The following SLC39A11 variants were observed in gnomAD, a reference collection of about 807,000 sequenced individuals.
The protein encoded by SLC39A11 is zinc transporter ZIP11.
SLC39A11 carries 33 observed loss-of-function variants against 36.1 expected under a neutral mutation model. That is an observed-to-expected ratio of 0.91 (90% CI 0.69 to 1.22). The LOEUF is 1.22. Ranked by LOEUF, SLC39A11 falls within the 50% of genes most tolerant of loss-of-function variation. The probability of loss-of-function intolerance (pLI) is 0.00; values close to 1 mark genes in which losing one functional copy is unlikely to be tolerated. For synonymous variants in SLC39A11, 166 were observed against 170.3 expected (o/e 0.97, Z 0.20); for missense variants, 432 against 430.3 (o/e 1.00, Z -0.03).
At chr17:72,680,296 T>C (rs1362870862) in intron 7 of SLC39A11, among the ~76,000 whole-genome samples, 1 of 152,156 alleles carries the variant, frequency 6.6e-6, no homozygotes, top group East Asian at 1.9e-4. Context: ...TCTGTCTCTA[T>C]GGATCTGCCC....
chr17:72,701,525 C>T (rs1338485627), intron 7 of SLC39A11, among the ~76,000 whole-genome samples: 1 of 151,958 alleles, frequency 6.6e-6, no homozygotes, highest in East Asian at 1.9e-4. Context: ...GTCAGGAGTT[C>T]GAGACCAGCC....
chr17:72,838,198 A>C, intron 6 of SLC39A11: 1 of 391,532 alleles, frequency 2.6e-6, no homozygotes. Flanking sequence ...TACTAAAACC[A>C]CTGAATTGTG....
intron 6 of SLC39A11, among the ~76,000 whole-genome samples, chr17:72,742,134 C>G (rs1288118146): frequency 6.6e-6 from 1 of 151,888 alleles, no homozygotes; most frequent in African/African-American, 2.4e-5. Context: ...ACCCGGGAGG[C>G]AGAGGTTGCA....
intron 3 of SLC39A11, among the ~76,000 whole-genome samples, chr17:73,071,735 A>G (rs2060168048): frequency 6.6e-6 from 1 of 152,222 alleles, no homozygotes; most frequent in African/African-American, 2.4e-5. Flanking sequence ...CTGCCACTGT[A>G]GTCCAAAAGC....
At chr17:72,721,643 G>C (rs963350246) in intron 7 of SLC39A11, among the ~76,000 whole-genome samples, 2 of 148,582 alleles carry the variant, frequency 1.3e-5, no homozygotes, top group African/African-American at 5.3e-5. Context: ...CCCTTGTCAT[G>C]ATGATGCTCT....
In SLC39A11 at chr17:72,748,114, G is replaced by A. The variant is rs193170208; in HGVS notation, c.602-11395C>T. Among the ~76,000 whole-genome samples, 753 of 152,248 alleles carry A rather than the reference G, an allele frequency of 4.9e-3. 6 individuals carry two copies. The highest frequency in any genetic ancestry group is 0.014 in the Middle Eastern group (4 of 294). On this transcript the variant is annotated intron_variant, in intron 6 of 9. Coordinates refer to ENST00000255559, the MANE Select transcript of SLC39A11 (RefSeq NM_139177.4). ...AGGCGGGTGGATCACCTGAGGTCAG[G>A]AGTTCAAGACTAGCCTGGCCAACAT...
intron 6 of SLC39A11, among the ~76,000 whole-genome samples, chr17:72,753,831 TACCAC>T (rs1485998362): frequency 1.5e-5 from 2 of 131,140 alleles, no homozygotes; most frequent in Non-Finnish European, 3.0e-5. Context: ...TAAGTAGAAC[TACCAC>T]TGGATCCAGC....
At chr17:72,672,100 T>A (rs2144182531) in intron 7 of SLC39A11, among the ~76,000 whole-genome samples, 1 of 152,264 alleles carries the variant, frequency 6.6e-6, no homozygotes, top group Admixed American at 6.5e-5. Flanking sequence ...GCTAACAAAT[T>A]TGACTGTGGT....
chr17:73,091,316 G>A (rs1266509340), intron 1 of SLC39A11, among the ~76,000 whole-genome samples: 5 of 151,962 alleles, frequency 3.3e-5, no homozygotes, highest in Non-Finnish European at 5.9e-5. Flanking sequence ...TAGTCCCAGT[G>A]CCTGTAGTCC....
intron 3 of SLC39A11, among the ~76,000 whole-genome samples, chr17:73,034,394 G>A (rs2058836110): frequency 6.6e-6 from 1 of 152,144 alleles, no homozygotes; most frequent in Non-Finnish European, 1.5e-5. Context: ...GGCTAATTTT[G>A]TATTTTTAGT....
At chr17:73,015,262 G>A (rs963431192) in intron 4 of SLC39A11, among the ~76,000 whole-genome samples, 3 of 151,848 alleles carry the variant, frequency 2.0e-5, no homozygotes, top group Admixed American at 6.6e-5. Flanking sequence ...TCATCATCTC[G>A]GGCCCTCCCT....
intron 7 of SLC39A11, among the ~76,000 whole-genome samples, chr17:72,725,878 T>C (rs2073908853): frequency 6.6e-6 from 1 of 152,166 alleles, no homozygotes; most frequent in Admixed American, 6.5e-5. Flanking sequence ...CGATTGCAGA[T>C]AAAGAATAGA....
intron 5 of SLC39A11, among the ~76,000 whole-genome samples, chr17:72,904,195 G>A (rs944564497): frequency 6.6e-6 from 1 of 152,202 alleles, no homozygotes; most frequent in African/African-American, 2.4e-5. Flanking sequence ...CTACTTGGGA[G>A]GCTGAGGAAG....
chr17:72,699,434 G>A (rs1236514620), intron 7 of SLC39A11, among the ~76,000 whole-genome samples: 4 of 152,262 alleles, frequency 2.6e-5, no homozygotes, highest in East Asian at 3.9e-4. Flanking sequence ...AAAGAGGAGC[G>A]GCCCTGGCTT....
At chr17:72,803,976 C>T (rs2077174150) in intron 6 of SLC39A11, among the ~76,000 whole-genome samples, 1 of 144,326 alleles carries the variant, frequency 6.9e-6, no homozygotes, top group Non-Finnish European at 1.5e-5. Flanking sequence ...CCTGTTTCTA[C>T]GTTTCTTTGT....
chr17:72,840,309 C>G (rs1025666538), intron 6 of SLC39A11, among the ~76,000 whole-genome samples: 1 of 152,214 alleles, frequency 6.6e-6, no homozygotes, highest in African/African-American at 2.4e-5. Flanking sequence ...GCTCTTGATA[C>G]TATTGAGAGG....
intron 5 of SLC39A11, among the ~76,000 whole-genome samples, chr17:72,932,693 T>C (rs1281828366): frequency 2.0e-5 from 3 of 152,136 alleles, no homozygotes; most frequent in Non-Finnish European, 4.4e-5. Context: ...TCTTTGGCTA[T>C]TTTTACTGTT....
chr17:72,696,977 TGTGTTCTACTACA>T (rs905419418), intron 7 of SLC39A11, among the ~76,000 whole-genome samples: 3 of 152,260 alleles, frequency 2.0e-5, no homozygotes, highest in African/African-American at 7.2e-5. Flanking sequence ...CTGGGCCCAA[TGTGTTCTACTACA>T]TTCTGCCCAC....
intron 4 of SLC39A11, among the ~76,000 whole-genome samples, chr17:73,013,150 T>G (rs1175543163): frequency 6.6e-6 from 1 of 151,838 alleles, no homozygotes; most frequent in East Asian, 1.9e-4. Flanking sequence ...TGGAGTGCAG[T>G]GCACAATCTC....
Sources: allele counts gnomAD v4.1 joint callset (sites outside exome capture counted in the v4.1 genomes callset), GRCh38; gene constraint gnomAD v4.1.1; transcripts MANE v1.5; gene names NCBI Gene and HGNC (gene_info 2026-07-23, HGNC 2026-07-21).